CLBA1: variants seen among roughly 807,000 people sequenced by gnomAD.
CLBA1 encodes the protein clathrin binding box of aftiphilin containing 1, also known as uncharacterized protein CLBA1.
In CLBA1, 30 loss-of-function variants were observed where a neutral mutation model predicts 28.8. That is an observed-to-expected ratio of 1.04 (90% CI 0.78 to 1.41). The LOEUF (loss-of-function observed/expected upper bound fraction) is 1.41. Ranked by LOEUF, CLBA1 falls within the 40% of genes most tolerant of loss-of-function variation. The pLI, the probability that CLBA1 is intolerant of heterozygous loss-of-function variation, is 0.00. For missense variants in CLBA1, 451 were observed against 412.3 expected, an observed-to-expected ratio of 1.09 and a Z score of -0.81; for synonymous variants, 160 against 152.8, an observed-to-expected ratio of 1.05 and a Z score of -0.35.
downstream of CLBA1, among the ~76,000 whole-genome samples, chr14:105,000,445 T>C (rs1900245416): frequency 6.6e-6 from 1 of 152,038 alleles, no homozygotes; most frequent in Admixed American, 6.5e-5. Context: ...CTAATTTTTG[T>C]ATTTTTAGTA....
chr14:104,989,514 T>C, intron 2 of CLBA1: 1 of 451,724 alleles, frequency 2.2e-6, no homozygotes, highest in East Asian at 7.0e-5. Flanking sequence ...TTCCACACTC[T>C]GGAGCCCCAT....
chr14:104,988,402 G>A (rs139689361), intron 1 of CLBA1, among the ~76,000 whole-genome samples: 1,536 of 147,462 alleles, frequency 0.01, 23 homozygotes, highest in African/African-American at 0.035. Flanking sequence ...GCACAATCTC[G>A]GCTCACTGCA....
Position 104,986,194 on chromosome 14 carries a change from G to C in CLBA1, c.-238G>C. ...TGTGTCGGACTCCGCGCCCGCCTGCGTGGGAGGAAGCCAGGACTCCCGGGC... is the reference window on the plus strand; with the variant it reads ...TGTGTCGGACTCCGCGCCCGCCTGCCTGGGAGGAAGCCAGGACTCCCGGGC... On this transcript the variant is annotated 5_prime_UTR_variant, in exon 1 of 5. Coordinates refer to ENST00000547315, the MANE Select transcript of CLBA1 (RefSeq NM_174891.4). The C allele has an allele frequency of 1.7e-6, 1 of 573,182 alleles. No individual in the cohort carries two copies. Among genetic ancestry groups the C allele is most frequent in the South Asian group, 2.1e-5 (1 of 48,044 alleles). The allele number at this position is 573,182 out of a possible 1,614,324, so 35.5% of individuals were successfully genotyped here.
rs1411455301 is a variant in CLBA1 at position 104,986,577 on chromosome 14, A to G, written c.146A>G (p.Asp49Gly). 5.0e-6 allele frequency: 8 copies of G among 1,613,946 alleles called. No homozygotes were observed. Among genetic ancestry groups the G allele is most frequent in the Non-Finnish European group, 6.8e-6 (8 of 1,180,004 alleles). ...ACCTGCCCCGACCTTCTCCTGTCCG[A>G]TGGGAAAGCCAGCATCTCCATGCCC... ...RRTCPDLLLS[D>G]GKASISMPRE... The change falls in exon 1 of 5, where the codon GAT (aspartate) becomes GGT (glycine). Residue 49 changes from aspartate to glycine, a missense_variant. Transcript: ENST00000547315.
intron 2 of CLBA1, 174 bp from the exon 3 acceptor site, chr14:104,991,316 GC>G: frequency 1.1e-5 from 7 of 631,406 alleles, no homozygotes; most frequent in Non-Finnish European, 1.5e-5. Context: ...GAGCCACTGT[GC>G]CCAGCCCGGG....
At chr14:104,997,750 T>C (rs925778494), downstream of CLBA1, among the ~76,000 whole-genome samples, 2 of 152,230 alleles carry the variant, frequency 1.3e-5, no homozygotes, top group Admixed American at 6.5e-5. Context: ...GGCTCACACC[T>C]GTAATCCCAG....
rs897851673 is a variant in CLBA1, at chr14:104,994,684, C to G, written c.903C>G (p.His301Gln). 1.9e-6 allele frequency: 3 copies of G among 1,614,086 alleles called. No homozygotes were observed. The highest frequency in any genetic ancestry group is 2.5e-6 in the Non-Finnish European group (3 of 1,179,974). The part of the protein sequence containing the change: ...LKTPSCGGGQ[H>Q]ITIPRKRMFT... ...CCCCCTCATGCGGAGGTGGCCAGCA[C>G]ATCACTATTCCAAGGAAAAGGATGT... Residue 301 changes from histidine (H) to glutamine (Q), a missense_variant, in exon 5 of 5, where the codon CAC becomes CAG. His to Gln is a conservative substitution (Grantham distance 24). Transcript: ENST00000547315.
chr14:104,989,783 G>A, intron 2 of CLBA1: 1 of 439,820 alleles, frequency 2.3e-6, no homozygotes, highest in East Asian at 7.1e-5. Context: ...CCCTCGGTGT[G>A]GTCTGCGGAG....
intron 4 of CLBA1, chr14:104,993,451 T>C (rs936738933): frequency 2.1e-5 from 21 of 985,238 alleles, no homozygotes; most frequent in African/African-American, 3.5e-5. Flanking sequence ...TGGGCAGCTG[T>C]CGTGAACGGA....
At chr14:104,987,888 C>T (rs745319746) in intron 1 of CLBA1, among the ~76,000 whole-genome samples, 7 of 151,622 alleles carry the variant, frequency 4.6e-5, no homozygotes, top group African/African-American at 7.3e-5. Context: ...CCGCCCGCCT[C>T]GGCCTCTCAA....
chr14:104,998,844 C>T (rs1330688874), downstream of CLBA1, among the ~76,000 whole-genome samples: 1 of 152,242 alleles, frequency 6.6e-6, no homozygotes, highest in Non-Finnish European at 1.5e-5. Flanking sequence ...AGGAGCAGAG[C>T]CAGTGCAAAC....
chr14:104,989,897 C>T, intron 2 of CLBA1: 3 of 358,602 alleles, frequency 8.4e-6, no homozygotes, highest in Non-Finnish European at 1.1e-5. Flanking sequence ...CCATTCTGGG[C>T]TCCAGCCCTG....
In CLBA1 at chr14:104,986,406, G is replaced by C. The variant is rs1237616979; in HGVS notation, c.-26G>C. 9.3e-6 allele frequency: 15 copies of C among 1,605,810 alleles called. No homozygotes were observed. Among genetic ancestry groups the C allele is most frequent in the Non-Finnish European group, 1.3e-5 (15 of 1,177,518 alleles). ...TGTCTCCTGAGCAGCTGCCCATCGG[G>C]CCTCTGCTGGCCTGGGGGCTCCAAG... On this transcript the variant is annotated 5_prime_UTR_variant, in exon 1 of 5. Coordinates refer to ENST00000547315, the MANE Select transcript of CLBA1 (RefSeq NM_174891.4).
rs1899852659 is a variant in CLBA1, at chr14:104,986,304, C to G, written c.-128C>G. On this transcript the variant is annotated 5_prime_UTR_variant, in exon 1 of 5. Transcript: ENST00000547315. ...GTCAGCCACTGGGCAGCCCGGGGCA[C>G]TCCTGCAGCGTCCCCTGGCCCTCTC... The G allele has an allele frequency of 1.0e-6, 1 of 1,001,900 alleles. No individual in the cohort carries two copies. Among genetic ancestry groups the G allele is most frequent in the South Asian group, 1.6e-5 (1 of 61,386 alleles). 62.1% of individuals were successfully genotyped at this position (1,001,900 alleles called of 1,614,324 possible). A position where few individuals can be genotyped will look rare whatever the true frequency, so the allele number is the denominator to read the frequency against.
intron 4 of CLBA1, chr14:104,993,389 G>A: frequency 1.0e-6 from 1 of 985,440 alleles, no homozygotes; most frequent in Middle Eastern, 5.2e-4. Flanking sequence ...AGGCTGGAAG[G>A]ATGAGGCAGG....
At chr14:104,996,755 C>G (rs973769023), downstream of CLBA1, among the ~76,000 whole-genome samples, 1 of 152,218 alleles carries the variant, frequency 6.6e-6, no homozygotes. Flanking sequence ...AGGCTGATGT[C>G]CAGAATCACT....
At position 104,991,561 on chromosome 14, in the gene CLBA1, A is replaced by G. The variant is rs758765919; in HGVS notation, c.640A>G (p.Ser214Gly). The change falls in exon 3 of 5, where the codon AGC becomes GGC. Residue 214 changes from serine (S) to glycine (G), a missense_variant. Ser to Gly is a moderately conservative substitution (Grantham distance 56). Coordinates refer to ENST00000547315, the MANE Select transcript of CLBA1 (RefSeq NM_174891.4). ...HTTSTSQRLW[S>G]ESRCQENFFL... ...CACGTCTACTTCTCAGCGCCTCTGG[A>G]GCGAGTCCCGTTGCCAGGAGAACTT... 2 of 1,613,884 alleles carry G rather than the reference A, an allele frequency of 1.2e-6. No individual in the cohort carries two copies. The highest frequency in any genetic ancestry group is 3.3e-5 in the Admixed American group (2 of 59,956).
Position 104,986,363 on chromosome 14 carries a change from C to T in CLBA1, c.-69C>T, listed in dbSNP as rs538232636. 163 of 1,521,012 alleles carry T rather than the reference C, an allele frequency of 1.1e-4. No individual in the cohort carries two copies. The East Asian group carries it at 3.7e-3, about 35-fold the overall frequency. The allele number at this position is 1,521,012 out of a possible 1,614,324, so 94.2% of individuals were successfully genotyped here. A position where few individuals can be genotyped will look rare whatever the true frequency, so the allele number is the denominator to read the frequency against. ...GGGAAGGTTGGGCAGTCCTGGGCGG[C>T]CAGCACCCCGGCGTGCATGTCTCCT... On this transcript the variant is annotated 5_prime_UTR_variant, in exon 1 of 5. Coordinates refer to ENST00000547315, the MANE Select transcript of CLBA1 (RefSeq NM_174891.4).
At chr14:104,987,790 T>TAG (rs1899909190) in intron 1 of CLBA1, among the ~76,000 whole-genome samples, 1 of 69,684 alleles carries the variant, frequency 1.4e-5, no homozygotes, top group Admixed American at 1.4e-4. Flanking sequence ...GCTAACTTTT[T>TAG]ATATATATAT....
Sources: gnomAD v4.1 joint callset for allele counts (sites outside exome capture counted in the v4.1 genomes callset) on GRCh38, gnomAD v4.1.1 for gene constraint, MANE v1.5 for transcripts, NCBI Gene and HGNC (gene_info 2026-07-23, HGNC 2026-07-21) for gene names.